Variants in RDX observed in about 807,000 individuals in gnomAD.
RDX encodes radixin.
RDX carries 32 observed loss-of-function variants against 83.7 expected under a neutral mutation model. That is an observed-to-expected ratio of 0.38 (90% CI 0.29 to 0.51). The LOEUF is 0.51. RDX is among the 20% of genes least tolerant of loss of function. RDX has a pLI of 0.87. For missense variants in RDX, 600 were observed against 689.9 expected, an observed-to-expected ratio of 0.87 and a Z score of 1.46; for synonymous variants, 229 against 222.7, an observed-to-expected ratio of 1.03 and a Z score of -0.25.
At chr11:110,251,969 A>G (rs79646233) in intron 9 of RDX, among the ~76,000 whole-genome samples, 457 of 152,306 alleles carry the variant, frequency 3.0e-3, no homozygotes, top group African/African-American at 0.011. Flanking sequence ...GCATTCTCCC[A>G]GGTATATCTG....
Position 110,258,157 on chromosome 11 carries a change from T to C in RDX, c.500A>G (p.Gln167Arg), listed in dbSNP as rs532467334. ...CCAGTTCTGTATTCTTTCTTCCCACTGTTCTTTTGTTAGTTTGTGTTGTTC... is the reference window on the plus strand; with the variant it reads ...CCAGTTCTGTATTCTTTCTTCCCACCGTTCTTTTGTTAGTTTGTGTTGTTC... The part of the protein sequence containing the change: ...VLEQHKLTKE[Q>R]WEERIQNWHE... The change falls in exon 6 of 14, where the codon CAG (glutamine) becomes CGG (arginine). Residue 167 changes from glutamine to arginine, a missense_variant. Physicochemically the swap from Gln to Arg is conservative, Grantham distance 43. Transcript: ENST00000645495. 2 of 1,611,356 alleles carry C rather than the reference T, an allele frequency of 1.2e-6. No homozygotes were observed. The highest frequency in any genetic ancestry group is 1.7e-6 in the Non-Finnish European group (2 of 1,178,656).
At chr11:110,242,682 T>TA (rs1865149136) in intron 10 of RDX, among the ~76,000 whole-genome samples, 1 of 152,270 alleles carries the variant, frequency 6.6e-6, no homozygotes, top group Non-Finnish European at 1.5e-5. Flanking sequence ...TATAAAAGTG[T>TA]AAGTTTTAAA....
intron 1 of RDX, among the ~76,000 whole-genome samples, chr11:110,281,822 C>G (rs1296882695): frequency 6.6e-6 from 1 of 151,730 alleles, no homozygotes; most frequent in Non-Finnish European, 1.5e-5. Flanking sequence ...AAAACAGCCT[C>G]CAGGCCAGGC....
At chr11:110,266,135 T>C (rs1297583286) in intron 3 of RDX, among the ~76,000 whole-genome samples, 3 of 147,882 alleles carry the variant, frequency 2.0e-5, no homozygotes, top group Non-Finnish European at 4.5e-5. Flanking sequence ...CCATCCTGAC[T>C]AACACGGTGA....
chr11:110,187,263 G>C (rs557882972), intron 15 of RDX, among the ~76,000 whole-genome samples: 3 of 152,128 alleles, frequency 2.0e-5, no homozygotes, highest in Non-Finnish European at 2.9e-5. Flanking sequence ...TTGGTGTAGC[G>C]GGGCCCTCTT....
chr11:110,224,424 A>C (rs1591124920), intron 14 of RDX, among the ~76,000 whole-genome samples: 1 of 152,186 alleles, frequency 6.6e-6, no homozygotes, highest in East Asian at 1.9e-4. Flanking sequence ...CATTTTTGTG[A>C]AGATAATGGA....
chr11:110,229,347 CTTACTT>C (rs1421755742), downstream of RDX: 4 of 152,364 alleles, frequency 2.6e-5, no homozygotes, highest in African/African-American at 9.7e-5. Context: ...CTATCTACTT[CTTACTT>C]TTAAGTTGTG....
At chr11:110,202,704 A>C (rs1467471798) in intron 14 of RDX, among the ~76,000 whole-genome samples, 4 of 150,816 alleles carry the variant, frequency 2.7e-5, no homozygotes, top group African/African-American at 7.3e-5. Context: ...GATTACAAGC[A>C]TGAGCTGCTG....
chr11:110,220,488 A>G (rs1864205447), intron 14 of RDX, among the ~76,000 whole-genome samples: 1 of 152,036 alleles, frequency 6.6e-6, no homozygotes. Context: ...CCTCAACATC[A>G]TGGTGCCTCA....
intron 1 of RDX, among the ~76,000 whole-genome samples, chr11:110,289,417 T>C (rs1261536242): frequency 6.6e-6 from 1 of 152,154 alleles, no homozygotes; most frequent in Non-Finnish European, 1.5e-5. Context: ...GATTAGATAT[T>C]AGCAGTAAGC....
intron 14 of RDX, among the ~76,000 whole-genome samples, chr11:110,217,054 C>A (rs566691133): frequency 6.6e-6 from 1 of 152,298 alleles, no homozygotes; most frequent in East Asian, 1.9e-4. Flanking sequence ...AGGCCCAGTG[C>A]ACTCTTTTCA....
intron 15 of RDX, among the ~76,000 whole-genome samples, chr11:110,177,892 T>C (rs1427184954): frequency 6.6e-6 from 1 of 152,078 alleles, no homozygotes; most frequent in African/African-American, 2.4e-5. Flanking sequence ...ATGATATACT[T>C]AGAAACCTTT....
At chr11:110,275,921 A>G (rs2134412942) in intron 2 of RDX, among the ~76,000 whole-genome samples, 1 of 151,464 alleles carries the variant, frequency 6.6e-6, no homozygotes, top group Admixed American at 6.6e-5. Context: ...AGTAGCTGGG[A>G]TTACAGGCAT....
chr11:110,244,744 A>G (rs1447011403), intron 10 of RDX, among the ~76,000 whole-genome samples: 1 of 152,146 alleles, frequency 6.6e-6, no homozygotes, highest in East Asian at 1.9e-4. Flanking sequence ...ATCTCAACAA[A>G]GCTATTAGAA....
chr11:110,270,310 T>C (rs1180184280), intron 3 of RDX, among the ~76,000 whole-genome samples: 1 of 152,178 alleles, frequency 6.6e-6, no homozygotes, highest in African/African-American at 2.4e-5. Flanking sequence ...GTACAGCATG[T>C]TACTATATTG....
intron 14 of RDX, among the ~76,000 whole-genome samples, chr11:110,200,783 AC>A (rs375954267): frequency 1.3e-5 from 2 of 152,354 alleles, no homozygotes; most frequent in African/African-American, 4.8e-5. Context: ...CTTGATGTTA[AC>A]CTGGCCAGAA....
chr11:110,220,125 A>G (rs945785702), intron 14 of RDX, among the ~76,000 whole-genome samples: 4 of 152,342 alleles, frequency 2.6e-5, no homozygotes, highest in African/African-American at 9.6e-5. Flanking sequence ...CACACTCAAC[A>G]AACATGGGGA....
At chr11:110,267,783 T>G (rs547920735) in intron 3 of RDX, among the ~76,000 whole-genome samples, 4 of 142,156 alleles carry the variant, frequency 2.8e-5, no homozygotes, top group Non-Finnish European at 6.3e-5. Context: ...TAGGGAGACC[T>G]TGTCTCTTAA....
At chr11:110,263,115 A>G (rs1281416907) in intron 5 of RDX, among the ~76,000 whole-genome samples, 1 of 152,088 alleles carries the variant, frequency 6.6e-6, no homozygotes, top group East Asian at 1.9e-4. Context: ...TCTCTGCTAA[A>G]AATACAAAAA....
Sources: gnomAD v4.1 joint callset for allele counts (sites outside exome capture counted in the v4.1 genomes callset) on GRCh38, gnomAD v4.1.1 for gene constraint, MANE v1.5 for transcripts, NCBI Gene and HGNC (gene_info 2026-07-23, HGNC 2026-07-21) for gene names.